The following NRG4 variants were observed in gnomAD, a reference collection of about 807,000 sequenced individuals.
The protein encoded by NRG4 is neuregulin 4.
Under a neutral mutation model 15.0 loss-of-function variants are expected in NRG4, and 10 were observed. The observed-to-expected ratio is 0.67, with a 90% CI of 0.41 to 1.13. NRG4 has a LOEUF of 1.13. Ranked by LOEUF, NRG4 falls within the 50% of genes most tolerant of loss-of-function variation. The probability of loss-of-function intolerance (pLI) is 0.00; values close to 1 mark genes in which losing one functional copy is unlikely to be tolerated. For synonymous variants in NRG4, 41 were observed against 50.1 expected (o/e 0.82, Z 0.77); for missense variants, 139 against 140.2 (o/e 0.99, Z 0.04).
At chr15:76,002,401 G>T (rs1359672540) in intron 3 of NRG4, among the ~76,000 whole-genome samples, 1 of 152,090 alleles carries the variant, frequency 6.6e-6, no homozygotes, top group African/African-American at 2.4e-5. Flanking sequence ...CAATAAAAGG[G>T]CAGGAAAGAA....
intron 4 of NRG4, among the ~76,000 whole-genome samples, chr15:75,959,947 T>C (rs751176114): frequency 2.0e-5 from 3 of 152,182 alleles, no homozygotes; most frequent in Non-Finnish European, 4.4e-5. Flanking sequence ...AAGATGGTGG[T>C]TGCTCCAACA....
chr15:75,989,830 C>T (rs2033940088), intron 3 of NRG4, among the ~76,000 whole-genome samples: 1 of 152,140 alleles, frequency 6.6e-6, no homozygotes, highest in South Asian at 2.1e-4. Context: ...GCTTGCTGAA[C>T]ATGAATCTTA....
upstream of NRG4, among the ~76,000 whole-genome samples, chr15:76,015,466 T>C (rs1235004746): frequency 3.3e-5 from 5 of 152,234 alleles, no homozygotes; most frequent in African/African-American, 7.2e-5. Context: ...CAGTATGATA[T>C]TGGCTGTGGG....
intron 4 of NRG4, among the ~76,000 whole-genome samples, chr15:76,043,102 T>C (rs1413253039): frequency 6.6e-6 from 1 of 152,156 alleles, no homozygotes; most frequent in Non-Finnish European, 1.5e-5. Flanking sequence ...AAATTCAACA[T>C]TTCATTGTGA....
intron 4 of NRG4, among the ~76,000 whole-genome samples, chr15:76,047,431 T>C (rs992579397): frequency 1.3e-5 from 2 of 151,020 alleles, no homozygotes; most frequent in African/African-American, 4.9e-5. Flanking sequence ...TGGAGTATTA[T>C]TCATCCATAA....
intron 5 of NRG4, among the ~76,000 whole-genome samples, chr15:76,026,458 G>A (rs1267278016): frequency 6.6e-6 from 1 of 152,142 alleles, no homozygotes; most frequent in African/African-American, 2.4e-5. Flanking sequence ...AGGAATAAAG[G>A]AGAAATAAAA....
At chr15:75,959,518 C>T (rs974506381) in intron 4 of NRG4, among the ~76,000 whole-genome samples, 1 of 151,688 alleles carries the variant, frequency 6.6e-6, no homozygotes, top group African/African-American at 2.4e-5. Context: ...AAATAGGAAA[C>T]AGAGGTCTTG....
downstream of NRG4, chr15:75,940,080 A>C (rs943707377): frequency 1.3e-5 from 2 of 151,032 alleles, no homozygotes; most frequent in African/African-American, 2.4e-5. Flanking sequence ...CACAAATGAT[A>C]TGATCTTTAG....
At chr15:76,009,104 A>G in intron 3 of NRG4, 96 bp downstream of exon 3, 4 of 753,062 alleles carry the variant, frequency 5.3e-6, no homozygotes, top group Non-Finnish European at 7.3e-6. Context: ...ACATCTTTTC[A>G]TCTTACACTT....
chr15:75,936,953 G>C (rs572192739), downstream of NRG4: 1 of 152,192 alleles, frequency 6.6e-6, no homozygotes, highest in African/African-American at 2.4e-5. Flanking sequence ...AGGGAAGATT[G>C]ATTAATTTAG....
At chr15:75,982,185 A>T (rs530471050) in intron 3 of NRG4, among the ~76,000 whole-genome samples, 9 of 152,312 alleles carry the variant, frequency 5.9e-5, no homozygotes, top group Non-Finnish European at 1.0e-4. Flanking sequence ...CCAAAACCTA[A>T]CAAAGATTGT....
intron 5 of NRG4, among the ~76,000 whole-genome samples, chr15:75,948,778 A>T (rs2031696057): frequency 6.6e-6 from 1 of 151,522 alleles, no homozygotes; most frequent in African/African-American, 2.4e-5. Flanking sequence ...AGCTGAGCAC[A>T]GTGGCTCATG....
intron 3 of NRG4, among the ~76,000 whole-genome samples, chr15:75,968,386 G>A (rs567542708): frequency 3.0e-4 from 45 of 152,040 alleles, no homozygotes; most frequent in African/African-American, 1.0e-3. Context: ...TCAGGAGTTC[G>A]AGACCATCCT....
chr15:75,985,785 T>C (rs891792219), intron 3 of NRG4, among the ~76,000 whole-genome samples: 2 of 150,482 alleles, frequency 1.3e-5, no homozygotes, highest in African/African-American at 4.8e-5. Context: ...AAAAGACTGA[T>C]AAAATTAAGT....
chr15:76,058,799 TGGA>T (rs986153352), intron 1 of NRG4, among the ~76,000 whole-genome samples: 4 of 152,206 alleles, frequency 2.6e-5, no homozygotes, highest in African/African-American at 9.6e-5. Flanking sequence ...CAAGAATTGG[TGGA>T]GAAGACAAAC....
At chr15:75,975,639 T>C (rs1488166036) in intron 3 of NRG4, among the ~76,000 whole-genome samples, 2 of 152,224 alleles carry the variant, frequency 1.3e-5, no homozygotes, top group African/African-American at 4.8e-5. Context: ...AAATTCTGGG[T>C]TGAAAATTCT....
chr15:75,955,808 A>C (rs1161294079), intron 5 of NRG4, 124 bp downstream of exon 5: 2 of 493,196 alleles, frequency 4.1e-6, no homozygotes, highest in Non-Finnish European at 7.1e-6. Flanking sequence ...AAAAAAAAAA[A>C]ACCCATAGAA....
intron 5 of NRG4, among the ~76,000 whole-genome samples, chr15:75,946,368 G>GT (rs200262406): frequency 0.016 from 2,454 of 152,092 alleles, 62 homozygotes; most frequent in African/African-American, 0.055. Flanking sequence ...GTTTGATTTT[G>GT]TTTTTTTGAG....
intron 5 of NRG4, among the ~76,000 whole-genome samples, chr15:76,035,762 T>G (rs1206855075): frequency 6.6e-6 from 1 of 152,196 alleles, no homozygotes; most frequent in Non-Finnish European, 1.5e-5. Flanking sequence ...CCATGTTTGT[T>G]AACAACTGTT....
Sources: allele counts gnomAD v4.1 joint callset (sites outside exome capture counted in the v4.1 genomes callset), GRCh38; gene constraint gnomAD v4.1.1; transcripts MANE v1.5; gene names NCBI Gene and HGNC (gene_info 2026-07-23, HGNC 2026-07-21).